The following AFF3 variants were observed in gnomAD, a reference collection of about 807,000 sequenced individuals.
The protein encoded by AFF3 is ALF transcription elongation factor 3.
AFF3 carries 32 observed loss-of-function variants against 129.7 expected under a neutral mutation model. That is an observed-to-expected ratio of 0.25 (90% CI 0.19 to 0.33). The LOEUF (loss-of-function observed/expected upper bound fraction) is 0.33. Ranked by LOEUF, AFF3 falls within the 10% of genes least tolerant of loss-of-function variation. The pLI is 1.00. For missense variants in AFF3, 1,373 were observed against 1,592.0 expected (o/e 0.86, Z 2.34); for synonymous variants, 644 against 635.4 (o/e 1.01, Z -0.20).
At chr2:99,968,519 T>C (rs1480381623) in intron 7 of AFF3, among the ~76,000 whole-genome samples, 1 of 152,212 alleles carries the variant, frequency 6.6e-6, no homozygotes, top group Non-Finnish European at 1.5e-5. Context: ...TTCTCCACTT[T>C]GGTTGACTCT....
chr2:99,658,042 C>T (rs1160659653), intron 12 of AFF3, among the ~76,000 whole-genome samples: 1 of 152,226 alleles, frequency 6.6e-6, no homozygotes, highest in Admixed American at 6.5e-5. Context: ...GTTCTCCTTG[C>T]TCCAAAGCAC....
chr2:99,659,142 G>A (rs879442857), intron 12 of AFF3, among the ~76,000 whole-genome samples: 9 of 152,184 alleles, frequency 5.9e-5, no homozygotes, highest in South Asian at 4.1e-4. Context: ...AGCGAACATC[G>A]CTGAAGATTC....
intron 16 of AFF3, 46 bp from the exon 17 acceptor site, chr2:99,583,045 G>T: frequency 6.3e-7 from 1 of 1,579,158 alleles, no homozygotes. Context: ...AGTCAGCACA[G>T]GGAAAGGTAA....
chr2:99,980,500 C>T (rs1679308408), intron 7 of AFF3, among the ~76,000 whole-genome samples: 1 of 152,236 alleles, frequency 6.6e-6, no homozygotes, highest in African/African-American at 2.4e-5. Flanking sequence ...GAATAACAGA[C>T]AGATATACCC....
intron 13 of AFF3, among the ~76,000 whole-genome samples, chr2:99,633,682 G>A (rs1683342635): frequency 6.6e-6 from 1 of 152,078 alleles, no homozygotes; most frequent in South Asian, 2.1e-4. Flanking sequence ...CTGGCAAGAT[G>A]GGATTAGCTC....
chr2:99,833,200 C>T (rs1576132095), intron 8 of AFF3, among the ~76,000 whole-genome samples: 3 of 152,190 alleles, frequency 2.0e-5, no homozygotes, highest in Non-Finnish European at 4.4e-5. Flanking sequence ...GTGCCCTCAA[C>T]TCACAAATCT....
At chr2:99,613,959 G>A (rs1681177292) in intron 13 of AFF3, among the ~76,000 whole-genome samples, 1 of 152,162 alleles carries the variant, frequency 6.6e-6, no homozygotes, top group African/African-American at 2.4e-5. Flanking sequence ...ATTACACTTA[G>A]GTCCAAAAAT....
intron 4 of AFF3, among the ~76,000 whole-genome samples, chr2:100,037,845 A>T (rs12712062): frequency 0.39 from 54,717 of 140,392 alleles, 10,973 homozygotes; most frequent in Middle Eastern, 0.48. Flanking sequence ...TCTATTTACA[A>T]ATAAACATAT....
chr2:99,610,206 C>T (rs544035945), intron 13 of AFF3, among the ~76,000 whole-genome samples: 2 of 152,146 alleles, frequency 1.3e-5, no homozygotes, highest in African/African-American at 2.4e-5. Flanking sequence ...ACCACCACCA[C>T]GATTAAAATG....
chr2:99,901,066 C>A (rs1299315838), intron 7 of AFF3, among the ~76,000 whole-genome samples: 1 of 152,240 alleles, frequency 6.6e-6, no homozygotes, highest in Non-Finnish European at 1.5e-5. Context: ...GTGTGCATGC[C>A]TGCATATGCA....
chr2:99,810,851 C>T (rs115844573), intron 8 of AFF3, among the ~76,000 whole-genome samples: 1,674 of 152,300 alleles, frequency 0.011, 30 homozygotes, highest in African/African-American at 0.038. Context: ...AGGGCCATCA[C>T]ATTCTTTGGT....
chr2:99,825,915 C>A (rs944680218), intron 8 of AFF3, among the ~76,000 whole-genome samples: 2 of 152,118 alleles, frequency 1.3e-5, no homozygotes, highest in African/African-American at 2.4e-5. Context: ...GGGGATGGTA[C>A]CTTGAACCAT....
chr2:99,728,657 T>C (rs1488749234), intron 10 of AFF3, among the ~76,000 whole-genome samples: 1 of 152,278 alleles, frequency 6.6e-6, no homozygotes, highest in East Asian at 1.9e-4. Flanking sequence ...AGAACAGCTA[T>C]GAGGGACTTT....
chr2:100,069,577 C>T (rs1381658843), intron 4 of AFF3, among the ~76,000 whole-genome samples: 1 of 152,156 alleles, frequency 6.6e-6, no homozygotes, highest in Non-Finnish European at 1.5e-5. Context: ...TAAGAGCATT[C>T]ACTGATTAAA....
intron 7 of AFF3, among the ~76,000 whole-genome samples, chr2:99,842,842 G>A (rs1366542778): frequency 6.6e-6 from 1 of 152,186 alleles, no homozygotes; most frequent in Non-Finnish European, 1.5e-5. Flanking sequence ...AAAAGAGTGT[G>A]ATCAAATCAG....
At chr2:99,557,439 C>T (rs1223039828) in intron 22 of AFF3, among the ~76,000 whole-genome samples, 1 of 152,138 alleles carries the variant, frequency 6.6e-6, no homozygotes, top group Non-Finnish European at 1.5e-5. Context: ...GCCACCACGC[C>T]TGGCGTGTTT....
chr2:99,705,822 C>T (rs908956874), intron 11 of AFF3, among the ~76,000 whole-genome samples: 13 of 138,914 alleles, frequency 9.4e-5, no homozygotes, highest in African/African-American at 2.7e-4. Flanking sequence ...TGCAGTGAGC[C>T]GAGATCGTGT....
intron 8 of AFF3, among the ~76,000 whole-genome samples, chr2:99,790,017 G>C (rs1685085879): frequency 6.6e-6 from 1 of 152,190 alleles, no homozygotes; most frequent in African/African-American, 2.4e-5. Context: ...AAAAATAAAT[G>C]CAAAGTGATT....
intron 4 of AFF3, among the ~76,000 whole-genome samples, chr2:100,014,669 A>G (rs1682835486): frequency 6.6e-6 from 1 of 152,114 alleles, no homozygotes; most frequent in Non-Finnish European, 1.5e-5. Flanking sequence ...AAGGAGATGG[A>G]AAAGAAGAAG....
Sources: gnomAD v4.1 joint callset for allele counts (sites outside exome capture counted in the v4.1 genomes callset) on GRCh38, gnomAD v4.1.1 for gene constraint, MANE v1.5 for transcripts, NCBI Gene and HGNC (gene_info 2026-07-23, HGNC 2026-07-21) for gene names.